Variants in PEBP4 observed in about 807,000 individuals in gnomAD.
The protein encoded by PEBP4 is phosphatidylethanolamine-binding protein 4.
PEBP4 carries 22 observed loss-of-function variants against 23.9 expected under a neutral mutation model. That is an observed-to-expected ratio of 0.92 (90% CI 0.66 to 1.31). The LOEUF (loss-of-function observed/expected upper bound fraction) is 1.31. Ranked by LOEUF, PEBP4 falls within the 40% of genes most tolerant of loss-of-function variation. The probability of loss-of-function intolerance (pLI) is 0.00; values close to 1 mark genes in which losing one functional copy is unlikely to be tolerated. For missense variants in PEBP4, 324 were observed against 281.7 expected (o/e 1.15, Z -1.07); for synonymous variants, 112 against 99.3 (o/e 1.13, Z -0.76).
At chr8:22,851,194 T>G (rs951765967) in intron 3 of PEBP4, among the ~76,000 whole-genome samples, 3 of 152,164 alleles carry the variant, frequency 2.0e-5, no homozygotes, top group African/African-American at 4.8e-5. Context: ...GTGCCTCTAG[T>G]AAGTTCTAAC....
intron 4 of PEBP4, among the ~76,000 whole-genome samples, chr8:22,808,389 T>C (rs563608186): frequency 6.6e-6 from 1 of 152,374 alleles, no homozygotes; most frequent in African/African-American, 2.4e-5. Flanking sequence ...CATTCATTCA[T>C]TTCTTCATGC....
intron 3 of PEBP4, among the ~76,000 whole-genome samples, chr8:22,843,108 G>A (rs994699356): frequency 5.3e-5 from 8 of 152,158 alleles, no homozygotes; most frequent in Admixed American, 3.3e-4. Context: ...GATTACAGGT[G>A]CGTGCCACCA....
At chr8:22,920,412 G>T in intron 2 of PEBP4, 102 bp from the exon 3 acceptor site, 1 of 1,324,376 alleles carries the variant, frequency 7.6e-7, no homozygotes, top group Non-Finnish European at 1.0e-6. Flanking sequence ...AGTGAAATGG[G>T]ATCAAATCCT....
chr8:22,817,202 G>A (rs1398161587), intron 4 of PEBP4, among the ~76,000 whole-genome samples: 1 of 152,178 alleles, frequency 6.6e-6, no homozygotes, highest in Non-Finnish European at 1.5e-5. Context: ...GGAGCTCCAG[G>A]ACTTCTCCTG....
intron 4 of PEBP4, among the ~76,000 whole-genome samples, chr8:22,817,024 A>G (rs1241831830): frequency 6.6e-6 from 1 of 152,238 alleles, no homozygotes; most frequent in East Asian, 1.9e-4. Context: ...ACATAATGGC[A>G]CAAACAAGCC....
chr8:22,883,517 A>T (rs921662828), intron 3 of PEBP4, among the ~76,000 whole-genome samples: 24 of 152,224 alleles, frequency 1.6e-4, no homozygotes, highest in African/African-American at 5.8e-4. Context: ...ACACTTAAAA[A>T]AAAAAAAAGG....
chr8:22,853,773 A>G (rs1225719661), intron 3 of PEBP4, among the ~76,000 whole-genome samples: 4 of 152,204 alleles, frequency 2.6e-5, no homozygotes, highest in Non-Finnish European at 5.9e-5. Context: ...GCCTGAGTCC[A>G]TGGATGGTTC....
chr8:22,768,263 C>A (rs1193938711), intron 4 of PEBP4, among the ~76,000 whole-genome samples: 1 of 152,110 alleles, frequency 6.6e-6, no homozygotes, highest in Non-Finnish European at 1.5e-5. Flanking sequence ...CTGGTAGATG[C>A]CTCTTTGGGG....
Position 22,865,968 on chromosome 8 carries a change from C to A in PEBP4, c.259-48233G>T, listed in dbSNP as rs1807893586. Among the ~76,000 whole-genome samples the A allele has an allele frequency of 6.6e-6, 1 of 152,152 alleles. No individual in the cohort carries two copies. The highest frequency in any genetic ancestry group is 2.4e-5 in the African/African-American group (1 of 41,456). Reference sequence around the variant, plus strand: ...CGGGCGGTGCTGCCCGGAGAGCGCGCAGCCCCCAGCCGGCCGCGCCAGCGC... The same window carrying A: ...CGGGCGGTGCTGCCCGGAGAGCGCGAAGCCCCCAGCCGGCCGCGCCAGCGC... On this transcript the variant is annotated intron_variant, in intron 3 of 6. Transcript: ENST00000256404. This position sits in a 1 kb window ranked among gnomAD's most constrained non-coding sequence, Gnocchi z 6.9.
intron 4 of PEBP4, among the ~76,000 whole-genome samples, chr8:22,798,183 C>A (rs1166437061): frequency 1.3e-5 from 2 of 152,154 alleles, no homozygotes; most frequent in Non-Finnish European, 1.5e-5. Context: ...GTGTACTCAT[C>A]ATGCTTTTTA....
At chr8:22,838,789 G>A (rs551225036) in intron 3 of PEBP4, among the ~76,000 whole-genome samples, 50 of 152,382 alleles carry the variant, frequency 3.3e-4, no homozygotes, top group South Asian at 1.0e-3. Context: ...AGGAATTTGA[G>A]TTCTAACTTT....
In PEBP4 at chr8:22,909,600, C is replaced by T. The variant is rs117959958; in HGVS notation, c.258+10584G>A. Among the ~76,000 whole-genome samples, 193 of 152,276 alleles carry T rather than the reference C, an allele frequency of 1.3e-3. No individual in the cohort carries two copies. The East Asian group carries it at 0.031, about 24-fold the overall frequency. On this transcript the variant is annotated intron_variant, in intron 3 of 6. Transcript: ENST00000256404. ...GCTGGCTTCTTCCCAGGGCCTGGAG[C>T]AGTCCCTGGAAACACCTCAGGATGT...
intron 4 of PEBP4, among the ~76,000 whole-genome samples, chr8:22,763,753 G>T (rs920131920): frequency 6.6e-6 from 1 of 152,270 alleles, no homozygotes; most frequent in Non-Finnish European, 1.5e-5. Flanking sequence ...TACCATGAAA[G>T]AACTATCTCA....
intron 3 of PEBP4, among the ~76,000 whole-genome samples, chr8:22,892,964 A>G (rs1211728744): frequency 6.6e-6 from 1 of 152,230 alleles, no homozygotes; most frequent in Non-Finnish European, 1.5e-5. Flanking sequence ...TAAGGTGGTC[A>G]TGATTCACAA....
rs925584487 is a variant in PEBP4, at chr8:22,811,032, G to T, written c.357+6605C>A. ...GTTTACAATATTCCTGTATATACTG[G>T]CTCCCTTCCTGCATGTATACCTTAT... On this transcript the variant is annotated intron_variant, in intron 4 of 6. Coordinates refer to ENST00000256404, the MANE Select transcript of PEBP4 (RefSeq NM_144962.3). Among the ~76,000 whole-genome samples the T allele has an allele frequency of 2.8e-4, 43 of 151,628 alleles. 3 individuals carry two copies. The highest frequency in any genetic ancestry group is 7.4e-5 in the Non-Finnish European group (5 of 67,946).
intron 4 of PEBP4, among the ~76,000 whole-genome samples, chr8:22,795,236 C>T (rs1270943167): frequency 3.9e-5 from 5 of 127,508 alleles, no homozygotes; most frequent in African/African-American, 1.2e-4. Flanking sequence ...AGTGCAGTGG[C>T]GTGATCTTGG....
chr8:22,931,965 G>A (rs1370453517), upstream of PEBP4, among the ~76,000 whole-genome samples: 1 of 151,926 alleles, frequency 6.6e-6, no homozygotes, highest in African/African-American at 2.4e-5. Context: ...CCTTATCTTC[G>A]CATTGCAGCT....
At position 22,920,212 on chromosome 8, in the gene PEBP4, G is replaced by A. The variant is rs371118048; in HGVS notation, c.230C>T (p.Pro77Leu). ...CACGGCCCCCGGGAACTTGACTATC[G>A]GCTCCATCCAGGAGGTGATCTTCTG... ...YRQKITSWMEPIVKFPGAVDG... is the reference protein window; with the variant it reads ...YRQKITSWMELIVKFPGAVDG... Residue 77 changes from proline to leucine, a missense_variant, in exon 3 of 7, where the codon CCG becomes CTG. Transcript: ENST00000256404. 18 of 1,611,916 alleles carry A rather than the reference G, an allele frequency of 1.1e-5. No homozygotes were observed. Among genetic ancestry groups the A allele is most frequent in the East Asian group, 4.5e-5 (2 of 44,838 alleles).
At chr8:22,769,510 GT>G (rs1805676069) in intron 4 of PEBP4, among the ~76,000 whole-genome samples, 1 of 152,166 alleles carries the variant, frequency 6.6e-6, no homozygotes, top group Non-Finnish European at 1.5e-5. Flanking sequence ...GTGTGCCTCA[GT>G]TTCCTTTCTG....
Sources: gnomAD v4.1 joint callset for allele counts (sites outside exome capture counted in the v4.1 genomes callset) on GRCh38, gnomAD v4.1.1 for gene constraint, Gnocchi (gnomAD v3.1) non-coding constraint, MANE v1.5 for transcripts, NCBI Gene and HGNC (gene_info 2026-07-23, HGNC 2026-07-21) for gene names.